Variants in HS6ST3 observed in about 807,000 individuals in gnomAD.
The protein encoded by HS6ST3 is heparan-sulfate 6-O-sulfotransferase 3.
A neutral mutation model predicts 36.7 loss-of-function variants in HS6ST3; 12 were observed. That is an observed-to-expected ratio of 0.33 (90% CI 0.21 to 0.53). The LOEUF (loss-of-function observed/expected upper bound fraction) is 0.53, where lower values mean the gene tolerates loss of function less well. Ranked by LOEUF, HS6ST3 falls within the 20% of genes least tolerant of loss-of-function variation. The pLI is 0.95. For synonymous variants in HS6ST3, 240 were observed against 257.5 expected, an observed-to-expected ratio of 0.93 and a Z score of 0.65; for missense variants, 584 against 640.9, an observed-to-expected ratio of 0.91 and a Z score of 0.96.
chr13:96,719,184 G>T (rs1399216055), intron 1 of HS6ST3, among the ~76,000 whole-genome samples: 2 of 151,864 alleles, frequency 1.3e-5, no homozygotes, highest in African/African-American at 4.8e-5. Context: ...TGAGGCAGGA[G>T]AATTGCTTGA....
At chr13:96,647,151 T>C (rs1594826409) in intron 1 of HS6ST3, among the ~76,000 whole-genome samples, 1 of 152,054 alleles carries the variant, frequency 6.6e-6, no homozygotes, top group East Asian at 1.9e-4. Flanking sequence ...CCAAAGCAAA[T>C]CTGCTACTAG....
chr13:96,178,009 G>A (rs1196414478), intron 1 of HS6ST3, among the ~76,000 whole-genome samples: 2 of 152,046 alleles, frequency 1.3e-5, no homozygotes, highest in Admixed American at 1.3e-4. Flanking sequence ...AGGTATTGTG[G>A]TTATCATTGC....
chr13:96,517,019 G>A (rs541463293), intron 1 of HS6ST3, among the ~76,000 whole-genome samples: 23 of 152,238 alleles, frequency 1.5e-4, no homozygotes, highest in African/African-American at 5.3e-4. Flanking sequence ...GCTCCCAGAG[G>A]GGCAAGAGGC....
At chr13:96,108,229 G>C (rs376122626) in intron 1 of HS6ST3, among the ~76,000 whole-genome samples, 1 of 152,166 alleles carries the variant, frequency 6.6e-6, no homozygotes, top group Non-Finnish European at 1.5e-5. Flanking sequence ...GCCTTATGCA[G>C]TTGTAGATAG....
At chr13:96,731,417 G>A (rs980173241) in intron 1 of HS6ST3, among the ~76,000 whole-genome samples, 4 of 152,032 alleles carry the variant, frequency 2.6e-5, no homozygotes, top group Non-Finnish European at 5.9e-5. Context: ...CGCAAATGAC[G>A]GGATTTCCTT....
chr13:96,306,463 C>T (rs996547636), intron 1 of HS6ST3, among the ~76,000 whole-genome samples: 13 of 152,076 alleles, frequency 8.5e-5, no homozygotes, highest in Admixed American at 2.0e-4. Flanking sequence ...CATCTGCCTT[C>T]GCCTCCCAAA....
intron 1 of HS6ST3, among the ~76,000 whole-genome samples, chr13:96,771,340 C>A (rs1012494158): frequency 1.3e-5 from 2 of 151,724 alleles, no homozygotes; most frequent in African/African-American, 2.4e-5. Flanking sequence ...TTAATGGGTG[C>A]AGCACACCAA....
At chr13:96,107,552 A>C (rs548707737) in intron 1 of HS6ST3, among the ~76,000 whole-genome samples, 2 of 152,186 alleles carry the variant, frequency 1.3e-5, no homozygotes, top group Non-Finnish European at 2.9e-5. Flanking sequence ...CATGTGCTCC[A>C]GAAGACTGTG....
chr13:96,820,527 G>A (rs1878512196), intron 1 of HS6ST3, among the ~76,000 whole-genome samples: 1 of 152,118 alleles, frequency 6.6e-6, no homozygotes. Flanking sequence ...GCTACTGCCG[G>A]GCCCTTTATA....
At chr13:96,620,953 G>A (rs906486145) in intron 1 of HS6ST3, among the ~76,000 whole-genome samples, 4 of 152,128 alleles carry the variant, frequency 2.6e-5, no homozygotes, top group African/African-American at 9.7e-5. Flanking sequence ...CCAGTTCACT[G>A]CTGAAAATAC....
rs1056420284 is a variant in HS6ST3 at position 96,265,491 on chromosome 13, G to T, written c.707+173922G>T. 2.0e-5 allele frequency among the ~76,000 whole-genome samples: 3 copies of T among 152,238 alleles called. 1 individual carries two copies. Among genetic ancestry groups the T allele is most frequent in the Admixed American group, 2.0e-4 (3 of 15,278 alleles). The stretch of plus-strand genomic sequence containing the variant: ...CACCGTGTTTGATGAGCACAACACT[G>T]TTGACTCTGATTCATTTAGCATCCC... On this transcript the variant is annotated intron_variant, in intron 1 of 1. Transcript: ENST00000376705.
At chr13:96,322,903 C>T (rs1344934961) in intron 1 of HS6ST3, among the ~76,000 whole-genome samples, 1 of 152,232 alleles carries the variant, frequency 6.6e-6, no homozygotes, top group African/African-American at 2.4e-5. Flanking sequence ...TCAGTTCCTT[C>T]ATTTTCAAAC....
chr13:96,191,015 C>G (rs867259145), intron 1 of HS6ST3, among the ~76,000 whole-genome samples: 1 of 152,128 alleles, frequency 6.6e-6, no homozygotes, highest in Admixed American at 6.5e-5. Flanking sequence ...AGAAGCTGTT[C>G]GTGTGGCTCC....
At chr13:96,322,823 A>G (rs908955307) in intron 1 of HS6ST3, among the ~76,000 whole-genome samples, 4 of 152,196 alleles carry the variant, frequency 2.6e-5, no homozygotes, top group African/African-American at 9.6e-5. Flanking sequence ...GATGGCCTAC[A>G]TGTAGCTAAA....
At chr13:96,150,788 C>T (rs2054081262) in intron 1 of HS6ST3, among the ~76,000 whole-genome samples, 1 of 152,124 alleles carries the variant, frequency 6.6e-6, no homozygotes, top group Non-Finnish European at 1.5e-5. Context: ...CTTGGGCACT[C>T]TGATTCTATA....
chr13:96,766,213 C>T (rs1877110276), intron 1 of HS6ST3, among the ~76,000 whole-genome samples: 2 of 152,182 alleles, frequency 1.3e-5, no homozygotes, highest in Admixed American at 1.3e-4. Flanking sequence ...AGTTTACAAA[C>T]TAGAACAAAT....
rs76444439 is a variant in HS6ST3, at chr13:96,173,352, C to A, written c.707+81783C>A. On this transcript the variant is annotated intron_variant, in intron 1 of 1. Coordinates refer to ENST00000376705, the MANE Select transcript of HS6ST3 (RefSeq NM_153456.4). ...AAGTTGCCCTAACAAGGAATTGGTG[C>A]TACTCAAAAGTCTTGAACTAATTCA... Among the ~76,000 whole-genome samples, 908 of 152,162 alleles carry A rather than the reference C, an allele frequency of 6.0e-3. 7 individuals are homozygous for A. The highest frequency in any genetic ancestry group is 0.048 in the Middle Eastern group (14 of 294).
intron 1 of HS6ST3, among the ~76,000 whole-genome samples, chr13:96,671,576 C>G (rs1299805206): frequency 6.6e-6 from 1 of 152,060 alleles, no homozygotes; most frequent in Non-Finnish European, 1.5e-5. Context: ...AACTCAAGAT[C>G]AGGGTGTTAG....
At chr13:96,755,956 G>A (rs73562325) in intron 1 of HS6ST3, among the ~76,000 whole-genome samples, 12,537 of 152,162 alleles carry the variant, frequency 0.082, 947 homozygotes, top group African/African-American at 0.19. Flanking sequence ...AACTGTGTGC[G>A]TACCATTTGC....
Sources: allele counts gnomAD v4.1 joint callset (sites outside exome capture counted in the v4.1 genomes callset), GRCh38; gene constraint gnomAD v4.1.1; transcripts MANE v1.5; gene names NCBI Gene and HGNC (gene_info 2026-07-23, HGNC 2026-07-21).